Variants in GALNT17 observed in about 807,000 individuals in gnomAD.
GALNT17 encodes the protein UDP-GalNAc:polypeptide N-acetylgalactosaminyltransferase-like 3.
Under a neutral mutation model 63.7 loss-of-function variants are expected in GALNT17, and 29 were observed. The observed-to-expected ratio is 0.46, with a 90% confidence interval of 0.34 to 0.62. The LOEUF is 0.62. Among genes scored for constraint, GALNT17 ranks in the 20% least tolerant of loss-of-function variants. GALNT17 has a pLI of 0.01. For missense variants in GALNT17, 603 were observed against 799.6 expected, an observed-to-expected ratio of 0.75 and a Z score of 2.97; for synonymous variants, 305 against 318.3, an observed-to-expected ratio of 0.96 and a Z score of 0.45.
chr7:71,593,705 T>G (rs1451134402), intron 6 of GALNT17, among the ~76,000 whole-genome samples: 1 of 152,226 alleles, frequency 6.6e-6, no homozygotes, highest in Admixed American at 6.5e-5. Flanking sequence ...TTCACTATTT[T>G]CTCATGAATT....
intron 8 of GALNT17, among the ~76,000 whole-genome samples, chr7:71,673,567 T>C (rs1051093999): frequency 3.3e-5 from 5 of 152,200 alleles, no homozygotes; most frequent in African/African-American, 9.6e-5. Flanking sequence ...CTTTTCCAGC[T>C]TTCACTAATG....
At chr7:71,219,274 T>C (rs938014199) in intron 1 of GALNT17, among the ~76,000 whole-genome samples, 3 of 152,218 alleles carry the variant, frequency 2.0e-5, no homozygotes, top group Non-Finnish European at 2.9e-5. Context: ...TACTGCATTG[T>C]CATTAAGAGT....
intron 5 of GALNT17, among the ~76,000 whole-genome samples, chr7:71,455,879 G>A (rs1429912395): frequency 6.6e-6 from 1 of 152,164 alleles, no homozygotes. Flanking sequence ...TTGACCTAAT[G>A]AAAGGCAGGG....
At chr7:71,554,899 C>T (rs920669576) in intron 5 of GALNT17, among the ~76,000 whole-genome samples, 5 of 152,312 alleles carry the variant, frequency 3.3e-5, no homozygotes, top group South Asian at 2.1e-4. Context: ...AAAAGAATAT[C>T]TGAGGCTGGA....
intron 5 of GALNT17, among the ~76,000 whole-genome samples, chr7:71,435,628 G>A (rs1031363175): frequency 6.6e-6 from 1 of 152,174 alleles, no homozygotes; most frequent in African/African-American, 2.4e-5. Flanking sequence ...CTGACTCAGC[G>A]CAAGAGGACG....
At chr7:71,451,305 G>C (rs11974441) in intron 5 of GALNT17, among the ~76,000 whole-genome samples, 1 of 152,026 alleles carries the variant, frequency 6.6e-6, no homozygotes, top group Non-Finnish European at 1.5e-5. Context: ...AGTCATTCTC[G>C]ACAGCCTTTC....
chr7:71,646,840 A>T (rs1378934818), intron 6 of GALNT17, among the ~76,000 whole-genome samples: 1 of 143,162 alleles, frequency 7.0e-6, no homozygotes, highest in African/African-American at 2.6e-5. Flanking sequence ...TCTGCCTCCC[A>T]GGTTCATGCC....
At chr7:71,335,523 A>T in intron 1 of GALNT17, 27 bp from the exon 2 acceptor site, 1 of 1,523,004 alleles carries the variant, frequency 6.6e-7, no homozygotes, top group Non-Finnish European at 8.8e-7. Flanking sequence ...GTTTTCTAAT[A>T]ATTCTTTTTT....
chr7:71,144,247 C>G (rs957631888), intron 1 of GALNT17, among the ~76,000 whole-genome samples: 32 of 152,116 alleles, frequency 2.1e-4, no homozygotes, highest in African/African-American at 2.2e-4. Context: ...CTTGTCAGCT[C>G]CTCGAGTATC....
chr7:71,629,271 A>G (rs1790422194), intron 6 of GALNT17, among the ~76,000 whole-genome samples: 2 of 152,126 alleles, frequency 1.3e-5, no homozygotes, highest in Admixed American at 1.3e-4. Flanking sequence ...TGCTCCAGCC[A>G]GGAGCCAGCC....
chr7:71,606,114 A>ATTTT (rs10580489), intron 6 of GALNT17, among the ~76,000 whole-genome samples: 1 of 116,044 alleles, frequency 8.6e-6, no homozygotes, highest in African/African-American at 3.2e-5. Flanking sequence ...TAATTTTTGT[A>ATTTT]TTTTTTTTTT....
chr7:71,646,978 C>T (rs1790685268), intron 6 of GALNT17, among the ~76,000 whole-genome samples: 1 of 151,932 alleles, frequency 6.6e-6, no homozygotes. Flanking sequence ...GATCTCCTGA[C>T]CTCATGATCC....
intron 5 of GALNT17, among the ~76,000 whole-genome samples, chr7:71,570,282 G>A (rs1464242588): frequency 2.6e-5 from 4 of 152,006 alleles, no homozygotes; most frequent in Non-Finnish European, 5.9e-5. Flanking sequence ...TCCTCTCTGC[G>A]GGCTGAGGTC....
chr7:71,607,271 C>T (rs1489212363), intron 6 of GALNT17, among the ~76,000 whole-genome samples: 3 of 152,170 alleles, frequency 2.0e-5, no homozygotes, highest in African/African-American at 7.2e-5. Context: ...TAAAGGAGTT[C>T]ATCATCAGTT....
intron 1 of GALNT17, among the ~76,000 whole-genome samples, chr7:71,149,472 G>A (rs914549116): frequency 1.3e-5 from 2 of 152,148 alleles, no homozygotes; most frequent in Non-Finnish European, 2.9e-5. Flanking sequence ...AGGACTGTAG[G>A]GGGGGCGAAA....
At chr7:71,135,609 T>C (rs1292141951) in intron 1 of GALNT17, among the ~76,000 whole-genome samples, 2 of 152,190 alleles carry the variant, frequency 1.3e-5, no homozygotes, top group Non-Finnish European at 2.9e-5. Context: ...AAGAGCCCTT[T>C]AAGACAGATT....
intron 6 of GALNT17, among the ~76,000 whole-genome samples, chr7:71,616,787 CTAAT>C (rs991063439): frequency 1.3e-4 from 14 of 110,820 alleles, no homozygotes; most frequent in African/African-American, 3.8e-4. Context: ...TAATATGTAA[CTAAT>C]ATATTAGTGT....
At chr7:71,357,349 C>G (rs79648366) in intron 2 of GALNT17, among the ~76,000 whole-genome samples, 3 of 152,110 alleles carry the variant, frequency 2.0e-5, no homozygotes, top group African/African-American at 7.2e-5. Flanking sequence ...ATGCATTGCA[C>G]GCTCCTTATG....
intron 3 of GALNT17, among the ~76,000 whole-genome samples, chr7:71,407,045 G>C (rs1337658782): frequency 6.6e-6 from 1 of 152,172 alleles, no homozygotes; most frequent in Non-Finnish European, 1.5e-5. Flanking sequence ...TGTGATCTCT[G>C]TCATAAATCC....
Sources: allele counts gnomAD v4.1 joint callset (sites outside exome capture counted in the v4.1 genomes callset), GRCh38; gene constraint gnomAD v4.1.1; transcripts MANE v1.5; gene names NCBI Gene and HGNC (gene_info 2026-07-23, HGNC 2026-07-21).